Variants in CTNNA2 observed in about 807,000 individuals in gnomAD.
The protein encoded by CTNNA2 is catenin alpha-2.
In CTNNA2, 42 loss-of-function variants were observed where a neutral mutation model predicts 101.0. The ratio of observed to expected loss-of-function variants is 0.42; its 90% confidence interval spans 0.32 to 0.54. The LOEUF (loss-of-function observed/expected upper bound fraction) is 0.54. Ranked by LOEUF, CTNNA2 falls within the 20% of genes least tolerant of loss-of-function variation. The pLI, the probability that CTNNA2 is intolerant of heterozygous loss-of-function variation, is 0.14. For missense variants in CTNNA2, 871 were observed against 1,223.1 expected, an observed-to-expected ratio of 0.71 and a Z score of 4.29; for synonymous variants, 450 against 456.4, an observed-to-expected ratio of 0.99 and a Z score of 0.18.
intron 2 of CTNNA2, among the ~76,000 whole-genome samples, chr2:79,235,787 G>A (rs918111351): frequency 1.3e-5 from 2 of 152,300 alleles, no homozygotes; most frequent in African/African-American, 2.4e-5. Context: ...GAAACATGGG[G>A]TTGCACCTGC....
intron 2 of CTNNA2, among the ~76,000 whole-genome samples, chr2:79,679,852 C>T (rs975500869): frequency 6.6e-6 from 1 of 152,046 alleles, no homozygotes; most frequent in Non-Finnish European, 1.5e-5. Flanking sequence ...TGCGTCTTCT[C>T]CCCGATCCCC....
intron 7 of CTNNA2, among the ~76,000 whole-genome samples, chr2:80,014,895 T>A (rs943795327): frequency 2.0e-4 from 30 of 152,210 alleles, no homozygotes; most frequent in African/African-American, 6.8e-4. Context: ...CTCTTTCCTT[T>A]AATCACCTCA....
chr2:80,001,151 A>G (rs530393415), intron 7 of CTNNA2, among the ~76,000 whole-genome samples: 1 of 152,290 alleles, frequency 6.6e-6, no homozygotes, highest in East Asian at 1.9e-4. Context: ...TAAAATATTT[A>G]AACTATCAGT....
intron 7 of CTNNA2, among the ~76,000 whole-genome samples, chr2:80,010,525 A>C (rs1174706771): frequency 6.6e-6 from 1 of 151,926 alleles, no homozygotes; most frequent in Non-Finnish European, 1.5e-5. Context: ...GCTGGTCTTG[A>C]ACTCCTAGGC....
At chr2:79,904,782 C>T (rs1045241401) in intron 6 of CTNNA2, among the ~76,000 whole-genome samples, 3 of 152,142 alleles carry the variant, frequency 2.0e-5, no homozygotes, top group Non-Finnish European at 2.9e-5. Flanking sequence ...TGCATCAAGC[C>T]AGCTCGGTGT....
chr2:80,269,171 G>C (rs531238978), intron 7 of CTNNA2, among the ~76,000 whole-genome samples: 1 of 152,210 alleles, frequency 6.6e-6, no homozygotes, highest in Non-Finnish European at 1.5e-5. Context: ...ATCTCATCTT[G>C]AATGGTAGTT....
intron 3 of CTNNA2, among the ~76,000 whole-genome samples, chr2:79,810,698 C>G (rs1199577181): frequency 6.6e-6 from 1 of 151,454 alleles, no homozygotes; most frequent in African/African-American, 2.4e-5. Flanking sequence ...CCACAACAGG[C>G]CCTGGTGTGT....
intron 3 of CTNNA2, among the ~76,000 whole-genome samples, chr2:79,369,071 C>A (rs563700079): frequency 1.3e-5 from 2 of 152,218 alleles, no homozygotes; most frequent in South Asian, 4.1e-4. Context: ...TTCACCCTGA[C>A]CAACCTCTCA....
intron 7 of CTNNA2, among the ~76,000 whole-genome samples, chr2:80,259,837 C>A (rs1013207654): frequency 3.3e-5 from 5 of 152,146 alleles, no homozygotes; most frequent in African/African-American, 9.7e-5. Context: ...TTTCCCTTTA[C>A]GAATACTTCC....
chr2:79,342,577 T>C (rs1677161589), intron 3 of CTNNA2, among the ~76,000 whole-genome samples: 1 of 152,230 alleles, frequency 6.6e-6, no homozygotes, highest in Non-Finnish European at 1.5e-5. Flanking sequence ...GATTTAGTTA[T>C]CTCATTTAAT....
chr2:80,475,423 T>C (rs999565535), intron 9 of CTNNA2, among the ~76,000 whole-genome samples: 2 of 152,200 alleles, frequency 1.3e-5, no homozygotes, highest in Non-Finnish European at 2.9e-5. Context: ...AAGATATTTT[T>C]AATTTATTAA....
chr2:80,238,479 G>T lies in CTNNA2; in HGVS notation c.1057-154732G>T, dbSNP rs533955792. Among the ~76,000 whole-genome samples, 439 of 152,248 alleles carry T rather than the reference G, an allele frequency of 2.9e-3. 2 individuals are homozygous for T. Among genetic ancestry groups the T allele is most frequent in the African/African-American group, 0.01 (418 of 41,538 alleles). On this transcript the variant is annotated intron_variant, in intron 7 of 18. Transcript: ENST00000402739. ...TGATGTGCCTTTTTATTATGAAGCT[G>T]GGAAAGGGAATGAGGAGGAGAAGTA...
At chr2:79,703,277 A>G (rs1281409669) in intron 2 of CTNNA2, among the ~76,000 whole-genome samples, 2 of 152,214 alleles carry the variant, frequency 1.3e-5, no homozygotes, top group South Asian at 2.1e-4. Context: ...TCAAAAATCT[A>G]TTACTTGACA....
intron 2 of CTNNA2, among the ~76,000 whole-genome samples, chr2:79,682,295 C>T (rs1683620496): frequency 6.6e-6 from 1 of 151,196 alleles, no homozygotes; most frequent in Admixed American, 6.6e-5. Context: ...CCTGTAATCC[C>T]AGCTACTCGG....
At chr2:79,272,580 A>G (rs1195359746) in intron 2 of CTNNA2, among the ~76,000 whole-genome samples, 2 of 152,112 alleles carry the variant, frequency 1.3e-5, no homozygotes, top group Non-Finnish European at 2.9e-5. Context: ...CAAGACAGAC[A>G]CAGCCTTTAC....
At chr2:80,235,758 G>T (rs997539299) in intron 7 of CTNNA2, among the ~76,000 whole-genome samples, 4 of 152,132 alleles carry the variant, frequency 2.6e-5, no homozygotes, top group African/African-American at 9.7e-5. Flanking sequence ...CCTTAGGGTC[G>T]CACCATAAAT....
At chr2:79,510,669 T>C (rs1671515772), upstream of CTNNA2, among the ~76,000 whole-genome samples, 2 of 152,204 alleles carry the variant, frequency 1.3e-5, no homozygotes, top group African/African-American at 4.8e-5. Flanking sequence ...AGACCACAGT[T>C]TGATGTATTT....
intron 2 of CTNNA2, among the ~76,000 whole-genome samples, chr2:79,710,415 G>C (rs1558861646): frequency 6.6e-6 from 1 of 152,132 alleles, no homozygotes. Context: ...ATTTTGAACT[G>C]TCTAGGAATA....
intron 2 of CTNNA2, among the ~76,000 whole-genome samples, chr2:79,287,751 C>T (rs1412960818): frequency 3.9e-5 from 6 of 152,180 alleles, no homozygotes; most frequent in African/African-American, 1.4e-4. Flanking sequence ...GCAAGCAGGC[C>T]TCCTTGAGCT....
Sources: gnomAD v4.1 joint callset for allele counts (sites outside exome capture counted in the v4.1 genomes callset) on GRCh38, gnomAD v4.1.1 for gene constraint, MANE v1.5 for transcripts, NCBI Gene and HGNC (gene_info 2026-07-23, HGNC 2026-07-21) for gene names.